TRERF1: variants seen among roughly 807,000 people sequenced by gnomAD.
The protein encoded by TRERF1 is transcriptional-regulating factor 1.
In TRERF1, 27 loss-of-function variants were observed where a neutral mutation model predicts 122.9. That is an observed-to-expected ratio of 0.22 (90% CI 0.16 to 0.30). The LOEUF (loss-of-function observed/expected upper bound fraction) is 0.30. Among genes scored for constraint, TRERF1 ranks in the 10% least tolerant of loss-of-function variants. The pLI, the probability that TRERF1 is intolerant of heterozygous loss-of-function variation, is 1.00. For synonymous variants in TRERF1, 636 were observed against 641.7 expected, an observed-to-expected ratio of 0.99 and a Z score of 0.13; for missense variants, 1,248 against 1,560.3, an observed-to-expected ratio of 0.80 and a Z score of 3.37.
chr6:42,274,628 G>C (rs538863924), intron 4 of TRERF1, among the ~76,000 whole-genome samples: 9 of 151,952 alleles, frequency 5.9e-5, no homozygotes, highest in African/African-American at 2.2e-4. Flanking sequence ...GCAGTGAGCC[G>C]AGATCAAGCC....
chr6:42,229,777 G>A (rs1057332717), intron 17 of TRERF1, among the ~76,000 whole-genome samples: 3 of 152,182 alleles, frequency 2.0e-5, no homozygotes, highest in Admixed American at 2.0e-4. Flanking sequence ...TGAGAAACCC[G>A]GGGATAAAAT....
intron 3 of TRERF1, among the ~76,000 whole-genome samples, chr6:42,353,671 T>C (rs548738480): frequency 4.6e-5 from 7 of 152,280 alleles, no homozygotes; most frequent in African/African-American, 7.2e-5. Flanking sequence ...TTATGATATA[T>C]GTGTGTTTGT....
intron 2 of TRERF1, among the ~76,000 whole-genome samples, chr6:42,431,883 T>C (rs909413476): frequency 6.6e-6 from 1 of 152,050 alleles, no homozygotes; most frequent in African/African-American, 2.4e-5. Context: ...TCCCTCCCCC[T>C]ACCCGATGAG....
At chr6:42,391,189 A>G (rs1777679609) in intron 2 of TRERF1, among the ~76,000 whole-genome samples, 1 of 152,234 alleles carries the variant, frequency 6.6e-6, no homozygotes, top group South Asian at 2.1e-4. Context: ...GATCTTCTCA[A>G]ACGAACATGG....
chr6:42,311,765 CAAAAAAAAA>C (rs10530333), intron 3 of TRERF1, among the ~76,000 whole-genome samples: 66 of 34,596 alleles, frequency 1.9e-3, no homozygotes, highest in Non-Finnish European at 3.8e-3. Flanking sequence ...GACTCCGTCT[CAAAAAAAAA>C]AAAAAAAAAA....
chr6:42,258,166 C>G, exon 10 of TRERF1: 3 of 1,614,216 alleles, frequency 1.9e-6, no homozygotes, highest in Non-Finnish European at 2.5e-6. Flanking sequence ...TCTCCAGGCC[C>G]TGGGGTGACC....
intron 2 of TRERF1, among the ~76,000 whole-genome samples, chr6:42,376,528 G>C (rs536622200): frequency 6.8e-6 from 1 of 146,882 alleles, no homozygotes; most frequent in East Asian, 2.0e-4. Context: ...ATGACTTTTC[G>C]TCTAATTCTT....
At position 42,282,605 on chromosome 6, in the gene TRERF1, A is replaced by G. The variant is rs184202284; in HGVS notation, c.-258-12757T>C. Among the ~76,000 whole-genome samples the G allele has an allele frequency of 2.9e-3, 441 of 152,278 alleles. 1 individual carries two copies. The highest frequency in any genetic ancestry group is 0.01 in the African/African-American group (425 of 41,580). Reference sequence around the variant, plus strand: ...AAACAAAAAATCCAAAAGAACAACAATGAAACTCTCTATGAAATGAAATGG... The same window carrying G: ...AAACAAAAAATCCAAAAGAACAACAGTGAAACTCTCTATGAAATGAAATGG... On this transcript the variant is annotated intron_variant, in intron 4 of 17. Coordinates refer to ENST00000372922, the Ensembl canonical transcript of TRERF1.
At chr6:42,262,012 C>A (rs1051553596) in intron 8 of TRERF1, among the ~76,000 whole-genome samples, 3 of 152,084 alleles carry the variant, frequency 2.0e-5, no homozygotes, top group Non-Finnish European at 2.9e-5. Context: ...GACTCTGACC[C>A]CCATGTGACT....
At chr6:42,319,406 A>G (rs1763018558) in intron 3 of TRERF1, among the ~76,000 whole-genome samples, 1 of 152,256 alleles carries the variant, frequency 6.6e-6, no homozygotes, top group South Asian at 2.1e-4. Context: ...AACCAGAAAC[A>G]CTTGCATTGA....
At chr6:42,340,851 T>C (rs1767156767) in intron 3 of TRERF1, among the ~76,000 whole-genome samples, 1 of 152,222 alleles carries the variant, frequency 6.6e-6, no homozygotes, top group Non-Finnish European at 1.5e-5. Flanking sequence ...TCTAGAACTT[T>C]CTCTGATGGA....
intron 14 of TRERF1, among the ~76,000 whole-genome samples, chr6:42,244,900 G>A (rs921258442): frequency 6.6e-6 from 1 of 152,246 alleles, no homozygotes; most frequent in Non-Finnish European, 1.5e-5. Flanking sequence ...ATCAGGTGAG[G>A]TGTAATAACG....
At chr6:42,255,762 G>A (rs1776631563) in intron 12 of TRERF1, among the ~76,000 whole-genome samples, 1 of 152,150 alleles carries the variant, frequency 6.6e-6, no homozygotes, top group African/African-American at 2.4e-5. Flanking sequence ...AAATCAAAAT[G>A]CAGGAAGCTA....
At chr6:42,235,103 T>C (rs1771797299) in intron 16 of TRERF1, among the ~76,000 whole-genome samples, 1 of 152,186 alleles carries the variant, frequency 6.6e-6, no homozygotes, top group East Asian at 1.9e-4. Flanking sequence ...TTAATTTTCA[T>C]TTTTTCTTAA....
At chr6:42,237,645 A>G (rs1267781522) in intron 15 of TRERF1, among the ~76,000 whole-genome samples, 1 of 152,210 alleles carries the variant, frequency 6.6e-6, no homozygotes, top group Non-Finnish European at 1.5e-5. Flanking sequence ...TACCCCTGAC[A>G]GTGATATAAG....
rs1447121805 is a variant in TRERF1, at chr6:42,263,733, C to G, written c.1636-165G>C. Among the ~76,000 whole-genome samples the G allele has an allele frequency of 6.6e-6, 1 of 152,130 alleles. No individual in the cohort carries two copies. The highest frequency in any genetic ancestry group is 2.4e-5 in the African/African-American group (1 of 41,410). On this transcript the variant is annotated intron_variant, in intron 7 of 17. Transcript: ENST00000372922. This position sits in a 1 kb window ranked among gnomAD's most constrained non-coding sequence, Gnocchi z 5.6. ...CCTGAGTCCCTTGGCTGGAGTGATG[C>G]CAGCTGATGGTGGAAGAGGCTGGAC... is the stretch of plus-strand genomic sequence containing the variant.
At chr6:42,287,012 A>G (rs1342172613) in intron 4 of TRERF1, among the ~76,000 whole-genome samples, 1 of 146,508 alleles carries the variant, frequency 6.8e-6, no homozygotes, top group Non-Finnish European at 1.5e-5. Context: ...TGAAATTGGA[A>G]ATCATCATTC....
intron 2 of TRERF1, among the ~76,000 whole-genome samples, chr6:42,437,079 C>A (rs1582233762): frequency 6.6e-6 from 1 of 152,066 alleles, no homozygotes; most frequent in South Asian, 2.1e-4. Context: ...TGGATTTTTA[C>A]ACACATTCTG....
chr6:42,316,877 G>T (rs1041892812), intron 3 of TRERF1, among the ~76,000 whole-genome samples: 3 of 152,014 alleles, frequency 2.0e-5, no homozygotes, highest in African/African-American at 7.3e-5. Context: ...TGAGTCATGT[G>T]GCCAGAGGTC....
Sources: gnomAD v4.1 joint callset for allele counts (sites outside exome capture counted in the v4.1 genomes callset) on GRCh38, gnomAD v4.1.1 for gene constraint, Gnocchi (gnomAD v3.1) non-coding constraint, MANE v1.5 for transcripts, NCBI Gene and HGNC (gene_info 2026-07-23, HGNC 2026-07-21) for gene names.